Variants in SECISBP2L observed in about 807,000 individuals in gnomAD.
SECISBP2L encodes selenocysteine insertion sequence-binding protein 2-like.
Under a neutral mutation model 114.7 loss-of-function variants are expected in SECISBP2L, and 43 were observed. The observed-to-expected ratio is 0.38, with a 90% CI of 0.29 to 0.48. The LOEUF (loss-of-function observed/expected upper bound fraction) is 0.48. SECISBP2L is among the 20% of genes least tolerant of loss of function. The probability of loss-of-function intolerance (pLI) is 0.98; values close to 1 mark genes in which losing one functional copy is unlikely to be tolerated. For missense variants in SECISBP2L, 1,136 were observed against 1,301.1 expected (o/e 0.87, Z 1.95); for synonymous variants, 451 against 439.7 (o/e 1.03, Z -0.32).
At chr15:48,994,679 C>T (rs1902051033) in intron 17 of SECISBP2L, among the ~76,000 whole-genome samples, 1 of 151,976 alleles carries the variant, frequency 6.6e-6, no homozygotes, top group Admixed American at 6.6e-5. Flanking sequence ...GAAGTTTTTC[C>T]TAACTCCTGA....
intron 6 of SECISBP2L, among the ~76,000 whole-genome samples, chr15:49,027,781 T>C (rs535444085): frequency 8.5e-5 from 13 of 152,202 alleles, no homozygotes; most frequent in African/African-American, 2.9e-4. Flanking sequence ...GTTAACTTTT[T>C]TGTATTTTTA....
At chr15:49,021,577 A>C (rs930923245) in intron 7 of SECISBP2L, among the ~76,000 whole-genome samples, 2 of 152,214 alleles carry the variant, frequency 1.3e-5, no homozygotes, top group African/African-American at 2.4e-5. Flanking sequence ...GCTGGTACAC[A>C]GGCCTTGGAT....
intron 3 of SECISBP2L, among the ~76,000 whole-genome samples, chr15:49,033,883 A>G (rs539652830): frequency 1.3e-5 from 2 of 152,310 alleles, no homozygotes; most frequent in East Asian, 3.9e-4. Context: ...CTTTACTTTT[A>G]AAAATATAAG....
chr15:48,991,440 G>A lies in SECISBP2L; in HGVS notation c.*804C>T, dbSNP rs1049306559. ...ATGTAAGTGCAGCAGTCATACAATC[G>A]GTTACAGTTATTCACCTGTCAACAT... On this transcript the variant is annotated 3_prime_UTR_variant, in exon 18 of 18. Coordinates refer to ENST00000559471, the MANE Select transcript of SECISBP2L (RefSeq NM_001193489.2). 7 of 152,536 alleles carry A rather than the reference G, an allele frequency of 4.6e-5. No homozygotes were observed. The highest frequency in any genetic ancestry group is 1.7e-4 in the African/African-American group (7 of 41,406). 9.4% of individuals were successfully genotyped at this position (152,536 alleles called of 1,614,324 possible). A position where few individuals can be genotyped will look rare whatever the true frequency, so the allele number is the denominator to read the frequency against.
At chr15:49,022,254 A>G (rs1391215624) in intron 7 of SECISBP2L, among the ~76,000 whole-genome samples, 1 of 152,160 alleles carries the variant, frequency 6.6e-6, no homozygotes, top group Non-Finnish European at 1.5e-5. Context: ...AGTAGCTAGG[A>G]CTATGGGTGC....
At chr15:49,016,262 T>A (rs565641332) in intron 11 of SECISBP2L, among the ~76,000 whole-genome samples, 2 of 152,122 alleles carry the variant, frequency 1.3e-5, no homozygotes, top group Admixed American at 1.3e-4. Context: ...TATGATACAA[T>A]AATGGGGGCT....
At chr15:49,022,535 G>A (rs1270114390) in intron 7 of SECISBP2L, among the ~76,000 whole-genome samples, 6 of 151,686 alleles carry the variant, frequency 4.0e-5, no homozygotes, top group Middle Eastern at 3.4e-3. Flanking sequence ...CCAGGAGGAG[G>A]AGGTTGCAGT....
chr15:48,992,976 C>G, intron 17 of SECISBP2L, 50 bp from the exon 18 acceptor site: 1 of 1,462,972 alleles, frequency 6.8e-7, no homozygotes, highest in East Asian at 2.3e-5. Context: ...GTTTCAAAAT[C>G]ATGCAACTCT....
At position 49,035,587 on chromosome 15, in the gene SECISBP2L, G is replaced by A. The variant is rs1476029871; in HGVS notation, c.275C>T (p.Ala92Val). ...CGGCTGAGCAGATATAATGGGATAG[G>A]CAAAGTATGGTCCAGTAGGGTTTGG... The part of the protein sequence containing the change: ...PNPNPTGPYF[A>V]YPIISAQPPV... Residue 92 changes from alanine to valine, a missense_variant, in exon 3 of 18, where the codon GCC (alanine) becomes GTC (valine). By Grantham distance (64) the Ala-to-Val change is moderately conservative. Around this residue, in one of 2 missense-constraint regions of SECISBP2L, gnomAD observed 452 missense variants for 452.3 expected, o/e 1.00. Transcript: ENST00000559471. 2 of 1,614,064 alleles carry A rather than the reference G, an allele frequency of 1.2e-6. No homozygotes were observed. The highest frequency in any genetic ancestry group is 1.7e-5 in the Admixed American group (1 of 60,004).
intron 8 of SECISBP2L, 40 bp from the exon 9 acceptor site, chr15:49,017,668 AAACTCCT>A: frequency 7.3e-7 from 1 of 1,366,150 alleles, no homozygotes; most frequent in Non-Finnish European, 1.0e-6. Context: ...AGTTCAAGGC[AAACTCCT>A]AAACTTTTTA....
In SECISBP2L at chr15:49,011,747, C is replaced by G; in HGVS notation, c.1848G>C (p.Glu616Asp). The G allele has an allele frequency of 6.2e-7, 1 of 1,614,038 alleles. No individual in the cohort carries two copies. Among genetic ancestry groups the G allele is most frequent in the Non-Finnish European group, 8.5e-7 (1 of 1,179,920 alleles). Residue 616 changes from glutamate to aspartate, a missense_variant, in exon 13 of 18, where the codon GAG (glutamate) becomes GAC (aspartate). Around this residue, in one of 2 missense-constraint regions of SECISBP2L, gnomAD observed 684 missense variants for 848.7 expected, o/e 0.81. Coordinates refer to ENST00000559471, the MANE Select transcript of SECISBP2L (RefSeq NM_001193489.2). ...GCTCCTTACCTTCCTGGGAAACAAT[C>G]TCCTGTGGCAAGTCATCAATAAAAT... ...HLDFIDDLPQ[E>D]IVSQEDTGLS...
chr15:49,023,026 T>TC (rs1555386505), intron 7 of SECISBP2L, among the ~76,000 whole-genome samples: 2 of 102,360 alleles, frequency 2.0e-5, no homozygotes, highest in Non-Finnish European at 5.0e-5. Context: ...TTAGAAGCCA[T>TC]CAAAAAAAAA....
chr15:49,042,432 T>A (rs1189115412), intron 1 of SECISBP2L: 1 of 152,366 alleles, frequency 6.6e-6, no homozygotes, highest in Non-Finnish European at 1.5e-5. Context: ...AGTTTCTACA[T>A]GCTTCATTTC....
At chr15:49,009,475 G>A (rs1902393118) in intron 13 of SECISBP2L, 97 bp from the exon 14 acceptor site, 5 of 1,254,312 alleles carry the variant, frequency 4.0e-6, no homozygotes, top group Non-Finnish European at 1.1e-6. Context: ...ATTGTCTTTT[G>A]GGTCATTTCC....
intron 1 of SECISBP2L, among the ~76,000 whole-genome samples, chr15:49,045,586 G>T (rs1462984938): frequency 1.3e-5 from 2 of 152,052 alleles, no homozygotes; most frequent in African/African-American, 4.8e-5. Flanking sequence ...GGAATTTGAT[G>T]CAAATAAAAA....
chr15:49,043,096 C>CT (rs1375089115), intron 1 of SECISBP2L, among the ~76,000 whole-genome samples: 1 of 152,158 alleles, frequency 6.6e-6, no homozygotes, highest in African/African-American at 2.4e-5. Flanking sequence ...TATATTAATA[C>CT]TTTTTTATTA....
chr15:48,990,058 C>T lies in SECISBP2L; in HGVS notation c.*2186G>A, dbSNP rs771085315. 1 of 152,486 alleles carries T rather than the reference C, an allele frequency of 6.6e-6. No individual in the cohort carries two copies. Among genetic ancestry groups the T allele is most frequent in the East Asian group, 1.9e-4 (1 of 5,198 alleles). The allele number at this position is 152,486 out of a possible 1,614,324, so 9.4% of individuals were successfully genotyped here. A position where few individuals can be genotyped will look rare whatever the true frequency, so the allele number is the denominator to read the frequency against. ...GTACTGCATATGCGAGAGCATTTAC[C>T]GAACATATAAATAAACACTTCTGAA... On this transcript the variant is annotated 3_prime_UTR_variant, in exon 18 of 18. Coordinates refer to ENST00000559471, the MANE Select transcript of SECISBP2L (RefSeq NM_001193489.2).
At chr15:49,043,612 T>TTTG (rs764463552) in intron 1 of SECISBP2L, among the ~76,000 whole-genome samples, 3 of 151,526 alleles carry the variant, frequency 2.0e-5, no homozygotes, top group East Asian at 1.9e-4. Context: ...ATGCAAGTTT[T>TTTG]TTTTTTTTTT....
At chr15:49,003,805 G>A (rs765006311) in intron 14 of SECISBP2L, among the ~76,000 whole-genome samples, 4 of 152,136 alleles carry the variant, frequency 2.6e-5, no homozygotes, top group African/African-American at 7.2e-5. Flanking sequence ...GATCGTGGTC[G>A]ATAAGCTTTT....
Sources: allele counts gnomAD v4.1 joint callset (sites outside exome capture counted in the v4.1 genomes callset), GRCh38; gene constraint gnomAD v4.1.1; regional missense constraint gnomAD v4.1.1; transcripts MANE v1.5; gene names NCBI Gene and HGNC (gene_info 2026-07-23, HGNC 2026-07-21).